RBFOX3: variants seen among roughly 807,000 people sequenced by gnomAD.
RBFOX3 encodes the protein RNA binding fox-1 homolog 3.
RBFOX3 carries 17 observed loss-of-function variants against 48.7 expected under a neutral mutation model. The ratio of observed to expected loss-of-function variants is 0.35; its 90% CI spans 0.24 to 0.52. The LOEUF is 0.52. Ranked by LOEUF, RBFOX3 falls within the 20% of genes least tolerant of loss-of-function variation. The probability of loss-of-function intolerance (pLI) is 0.94; values close to 1 mark genes in which losing one functional copy is unlikely to be tolerated. For synonymous variants in RBFOX3, 212 were observed against 209.5 expected, an observed-to-expected ratio of 1.01 and a Z score of -0.10; for missense variants, 382 against 497.5, an observed-to-expected ratio of 0.77 and a Z score of 2.21.
intron 2 of RBFOX3, among the ~76,000 whole-genome samples, chr17:79,455,178 T>C (rs2074265324): frequency 6.6e-6 from 1 of 152,124 alleles, no homozygotes; most frequent in Admixed American, 6.5e-5. Flanking sequence ...ATCTTAAAAA[T>C]GAGCCCCATA....
chr17:79,650,596 AG>A, the RBFOX3 span, among the ~76,000 whole-genome samples: 1 of 152,156 alleles, frequency 6.6e-6, no homozygotes, highest in Non-Finnish European at 1.5e-5. Context: ...GGACAAGCAC[AG>A]TACTGAAGGA....
chr17:79,203,067 G>A, intron 4 of RBFOX3, among the ~76,000 whole-genome samples: 1 of 151,908 alleles, frequency 6.6e-6, no homozygotes, highest in South Asian at 2.1e-4. Context: ...ACTTCTCTCG[G>A]GGCCTGGATT....
In RBFOX3 at chr17:79,220,623, G is replaced by A. The variant is rs77565438; in HGVS notation, c.-34+15143C>T. On this transcript the variant is annotated intron_variant, in intron 4 of 14. Coordinates refer to ENST00000693108, the MANE Select transcript of RBFOX3 (RefSeq NM_001350451.2). The surrounding 1 kb of genome is among the most constrained non-coding windows in gnomAD (Gnocchi z 5.9). ...GGTGTGTGTGTGTGTGTGTCGGGGG[G>A]ACACAAAACCTTCCAGCCTAGCAGA... Among the ~76,000 whole-genome samples, 1 of 152,012 alleles carries A rather than the reference G, an allele frequency of 6.6e-6. No homozygotes were observed. The highest frequency in any genetic ancestry group is 2.1e-4 in the South Asian group (1 of 4,808).
At chr17:79,191,555 G>A (rs1163921239) in intron 4 of RBFOX3, among the ~76,000 whole-genome samples, 8 of 152,194 alleles carry the variant, frequency 5.3e-5, no homozygotes, top group African/African-American at 1.7e-4. Context: ...GGCAGAGTGC[G>A]TGGCCCTGGG....
intron 1 of RBFOX3, among the ~76,000 whole-genome samples, chr17:79,579,380 A>C (rs2092970378): frequency 6.6e-6 from 1 of 152,170 alleles, no homozygotes; most frequent in Non-Finnish European, 1.5e-5. Flanking sequence ...GCTCCCCAAA[A>C]CCAAGAACTG....
In RBFOX3 at chr17:79,214,067, G is replaced by T. The variant is rs186510501; in HGVS notation, c.-34+21699C>A. ...GCCCGGTGAACTACAGCCAACCCTC[G>T]CATGGCGCCGCCCAGCTCTGGTAGG... On this transcript the variant is annotated intron_variant, in intron 4 of 14. Transcript: ENST00000693108. This position sits in a 1 kb window ranked among gnomAD's most constrained non-coding sequence, Gnocchi z 4.7. Among the ~76,000 whole-genome samples, 262 of 152,280 alleles carry T rather than the reference G, an allele frequency of 1.7e-3. 2 individuals carry two copies. Among genetic ancestry groups the T allele is most frequent in the African/African-American group, 6.0e-3 (249 of 41,556 alleles).
At chr17:79,388,138 G>A (rs996158980) in intron 2 of RBFOX3, among the ~76,000 whole-genome samples, 24 of 151,054 alleles carry the variant, frequency 1.6e-4, no homozygotes, top group African/African-American at 5.7e-4. Context: ...GCATACAAAT[G>A]TGTGTGCATG....
intron 2 of RBFOX3, among the ~76,000 whole-genome samples, chr17:79,441,607 T>C (rs1326564553): frequency 2.6e-5 from 4 of 152,208 alleles, no homozygotes; most frequent in African/African-American, 7.2e-5. Context: ...GAGTTAGCCC[T>C]GCCAATACCT....
intron 3 of RBFOX3, among the ~76,000 whole-genome samples, chr17:79,274,063 C>T (rs940204747): frequency 1.2e-4 from 18 of 152,162 alleles, no homozygotes; most frequent in Admixed American, 2.0e-4. Flanking sequence ...AGGGCAGGGG[C>T]GGACGCTGAC....
rs563553625 is a variant in RBFOX3, at chr17:79,364,317, G to A, written c.-174-56493C>T. On this transcript the variant is annotated intron_variant, in intron 2 of 14. Transcript: ENST00000693108. This position sits in a 1 kb window ranked among gnomAD's most constrained non-coding sequence, Gnocchi z 5.1. ...CTGTTGTTCCTGGCATGCTGTTTTA[G>A]GACAGTCCTGAACTGGACTTGCAGT... Among the ~76,000 whole-genome samples, 3 of 152,336 alleles carry A rather than the reference G, an allele frequency of 2.0e-5. No individual in the cohort carries two copies. The South Asian group carries it at 6.2e-4, about 32-fold the overall frequency.
At chr17:79,224,531 T>C (rs2060098659) in intron 4 of RBFOX3, among the ~76,000 whole-genome samples, 2 of 152,186 alleles carry the variant, frequency 1.3e-5, no homozygotes, top group African/African-American at 2.4e-5. Flanking sequence ...CCCTGGCCCA[T>C]AGCTGGGAAC....
chr17:79,663,151 C>T, the RBFOX3 span, among the ~76,000 whole-genome samples: 53 of 152,178 alleles, frequency 3.5e-4, no homozygotes, highest in African/African-American at 5.8e-4. Flanking sequence ...CTGTCAACAC[C>T]GCAAAGGAGG....
At chr17:79,318,782 G>A (rs2077920938) in intron 2 of RBFOX3, among the ~76,000 whole-genome samples, 2 of 148,582 alleles carry the variant, frequency 1.3e-5, no homozygotes, top group Non-Finnish European at 3.0e-5. Flanking sequence ...GTGAACCCGG[G>A]AGGCAAAGTT....
chr17:79,500,014 T>C (rs2082168217), intron 1 of RBFOX3, among the ~76,000 whole-genome samples: 1 of 152,166 alleles, frequency 6.6e-6, no homozygotes, highest in South Asian at 2.1e-4. Flanking sequence ...GAAGAGATGG[T>C]GAGCCATTTC....
At chr17:79,332,462 C>G (rs1333311098) in intron 2 of RBFOX3, among the ~76,000 whole-genome samples, 1 of 151,852 alleles carries the variant, frequency 6.6e-6, no homozygotes, top group African/African-American at 2.4e-5. Context: ...CACGTGAGCA[C>G]CTGAGTCAAT....
intron 2 of RBFOX3, among the ~76,000 whole-genome samples, chr17:79,468,712 G>A (rs2149352521): frequency 8.6e-6 from 1 of 116,736 alleles, no homozygotes; most frequent in East Asian, 2.1e-4. Context: ...ATAGACGAAT[G>A]GATGCATAGA....
chr17:79,408,769 T>C (rs543597804), intron 2 of RBFOX3, among the ~76,000 whole-genome samples: 4 of 152,352 alleles, frequency 2.6e-5, no homozygotes, highest in African/African-American at 7.2e-5. Flanking sequence ...GATAACATCA[T>C]CACCATCATT....
intron 2 of RBFOX3, among the ~76,000 whole-genome samples, chr17:79,358,661 A>G (rs570124002): frequency 1.3e-4 from 19 of 151,982 alleles, no homozygotes; most frequent in Admixed American, 1.2e-3. Context: ...GGGTTTCACC[A>G]TGTTGGCCAG....
At chr17:79,572,579 G>C (rs2092714287) in intron 1 of RBFOX3, among the ~76,000 whole-genome samples, 1 of 152,174 alleles carries the variant, frequency 6.6e-6, no homozygotes, top group Non-Finnish European at 1.5e-5. Flanking sequence ...GGGGGAAGGG[G>C]AGCCAAGCTG....
Sources: allele counts gnomAD v4.1 joint callset (sites outside exome capture counted in the v4.1 genomes callset), GRCh38; gene constraint gnomAD v4.1.1; non-coding constraint Gnocchi (gnomAD v3.1); transcripts MANE v1.5; gene names NCBI Gene and HGNC (gene_info 2026-07-23, HGNC 2026-07-21).